The following RAB38 variants were observed in gnomAD, a reference collection of about 807,000 sequenced individuals.
RAB38 encodes ras-related protein Rab-38.
In RAB38, 15 loss-of-function variants were observed where a neutral mutation model predicts 18.4. That is an observed-to-expected ratio of 0.82 (90% CI 0.55 to 1.26). RAB38 has a LOEUF of 1.26. Ranked by LOEUF, RAB38 falls within the 50% of genes most tolerant of loss-of-function variation. The pLI, the probability that RAB38 is intolerant of heterozygous loss-of-function variation, is 0.00. For missense variants in RAB38, 294 were observed against 267.4 expected, an observed-to-expected ratio of 1.10 and a Z score of -0.69; for synonymous variants, 101 against 104.4, an observed-to-expected ratio of 0.97 and a Z score of 0.20.
chr11:87,944,508 C>CTCT, the RAB38 span, among the ~76,000 whole-genome samples: 1 of 152,082 alleles, frequency 6.6e-6, no homozygotes, highest in African/African-American at 2.4e-5. Context: ...GTGCTGAATC[C>CTCT]TCTTCCTCCC....
the RAB38 span, among the ~76,000 whole-genome samples, chr11:88,033,244 G>T: frequency 3.3e-5 from 5 of 151,996 alleles, no homozygotes; most frequent in Admixed American, 6.6e-5. Flanking sequence ...GGAGGAGGGG[G>T]GAGGGATAGC....
downstream of RAB38, among the ~76,000 whole-genome samples, chr11:88,111,999 C>A (rs186541629): frequency 1.6e-4 from 25 of 152,314 alleles, no homozygotes; most frequent in East Asian, 4.6e-3. Flanking sequence ...CTTCAAGGAG[C>A]CAAGCCATTC....
the RAB38 span, among the ~76,000 whole-genome samples, chr11:88,021,875 CT>C: frequency 7.4e-6 from 1 of 135,212 alleles, no homozygotes; most frequent in Non-Finnish European, 1.6e-5. Flanking sequence ...AAAAAGTATT[CT>C]TTTTTTATTT....
At chr11:88,060,684 A>G in the RAB38 span, among the ~76,000 whole-genome samples, 102 of 152,202 alleles carry the variant, frequency 6.7e-4, no homozygotes, top group African/African-American at 2.4e-3. Context: ...TTGTTTGTAT[A>G]CCCTATATAT....
At chr11:88,037,052 T>A in the RAB38 span, among the ~76,000 whole-genome samples, 1 of 152,180 alleles carries the variant, frequency 6.6e-6, no homozygotes, top group Admixed American at 6.5e-5. Flanking sequence ...TAAAAAAGAA[T>A]GGTCTTTGAA....
the RAB38 span, among the ~76,000 whole-genome samples, chr11:87,889,663 G>T: frequency 2.0e-5 from 3 of 151,850 alleles, no homozygotes; most frequent in Admixed American, 1.3e-4. Context: ...AGCCAAGTTA[G>T]CTTCCCAAAC....
At chr11:88,012,493 A>C in the RAB38 span, among the ~76,000 whole-genome samples, 1 of 152,174 alleles carries the variant, frequency 6.6e-6, no homozygotes, top group African/African-American at 2.4e-5. Flanking sequence ...ATTAAAAAAT[A>C]GTTTTAAGCT....
At chr11:87,948,110 C>T in the RAB38 span, among the ~76,000 whole-genome samples, 196 of 152,224 alleles carry the variant, frequency 1.3e-3, no homozygotes, top group Middle Eastern at 0.01. Flanking sequence ...AGGTCCTTCA[C>T]GTCCCTTGTA....
At chr11:87,938,951 C>T in the RAB38 span, among the ~76,000 whole-genome samples, 1 of 151,944 alleles carries the variant, frequency 6.6e-6, no homozygotes, top group Non-Finnish European at 1.5e-5. Context: ...CTACACCATG[C>T]TCCCAGAAAC....
At chr11:88,064,028 G>A in the RAB38 span, among the ~76,000 whole-genome samples, 3 of 152,142 alleles carry the variant, frequency 2.0e-5, no homozygotes, top group South Asian at 2.1e-4. Context: ...GGGCGTGTTC[G>A]ACCATTGTAA....
the RAB38 span, among the ~76,000 whole-genome samples, chr11:88,046,478 T>A: frequency 6.6e-6 from 1 of 152,196 alleles, no homozygotes; most frequent in African/African-American, 2.4e-5. Flanking sequence ...CATCCCAGCC[T>A]CTCTTTGCTT....
the RAB38 span, among the ~76,000 whole-genome samples, chr11:87,842,764 A>T: frequency 6.6e-6 from 1 of 151,698 alleles, no homozygotes; most frequent in Admixed American, 6.6e-5. Context: ...TCCCCACCCC[A>T]TGCGCACACA....
intron 1 of RAB38, among the ~76,000 whole-genome samples, chr11:88,172,663 T>C (rs1171538517): frequency 1.3e-5 from 2 of 152,166 alleles, no homozygotes; most frequent in Non-Finnish European, 2.9e-5. Context: ...GGCTGTGATT[T>C]GAAAGTACTA....
chr11:88,108,462 T>C (rs1942429651), downstream of RAB38, among the ~76,000 whole-genome samples: 1 of 152,164 alleles, frequency 6.6e-6, no homozygotes, highest in Non-Finnish European at 1.5e-5. Context: ...TTTTGTTTGT[T>C]TTTTTGTTTT....
chr11:87,821,087 G>C, the RAB38 span, among the ~76,000 whole-genome samples: 1 of 152,140 alleles, frequency 6.6e-6, no homozygotes, highest in Admixed American at 6.6e-5. Flanking sequence ...TTTAGGCTGA[G>C]AATTTTCCAG....
the RAB38 span, among the ~76,000 whole-genome samples, chr11:88,005,266 A>T: frequency 6.6e-6 from 1 of 151,520 alleles, no homozygotes; most frequent in Non-Finnish European, 1.5e-5. Context: ...GACAGCGGGA[A>T]TTTGGTACAA....
At chr11:88,015,636 G>T in the RAB38 span, among the ~76,000 whole-genome samples, 6 of 152,108 alleles carry the variant, frequency 3.9e-5, no homozygotes, top group African/African-American at 1.4e-4. Context: ...TCCAGGAGAG[G>T]AAAGTGAGTT....
At chr11:88,098,941 C>G in the RAB38 span, among the ~76,000 whole-genome samples, 1 of 150,368 alleles carries the variant, frequency 6.7e-6, no homozygotes, top group African/African-American at 2.4e-5. Context: ...TTTTTGTTTT[C>G]TTTTTGTTGC....
chr11:87,933,308 C>G, the RAB38 span, among the ~76,000 whole-genome samples: 1 of 152,024 alleles, frequency 6.6e-6, no homozygotes, highest in Non-Finnish European at 1.5e-5. Context: ...CACTGGTATC[C>G]TCATTTTCCT....
Sources: gnomAD v4.1 joint callset for allele counts (sites outside exome capture counted in the v4.1 genomes callset) on GRCh38, gnomAD v4.1.1 for gene constraint, MANE v1.5 for transcripts, NCBI Gene and HGNC (gene_info 2026-07-23, HGNC 2026-07-21) for gene names.